SETBP1: variants seen among roughly 807,000 people sequenced by gnomAD.
The protein encoded by SETBP1 is SET binding protein 1.
A neutral mutation model predicts 101.0 loss-of-function variants in SETBP1; 9 were observed. The observed-to-expected ratio is 0.09, with a 90% CI of 0.05 to 0.16. The LOEUF is 0.16. Among genes scored for constraint, SETBP1 ranks in the 10% least tolerant of loss-of-function variants. The pLI, the probability that SETBP1 is intolerant of heterozygous loss-of-function variation, is 1.00. For missense variants in SETBP1, 1,858 were observed against 2,033.8 expected (o/e 0.91, Z 1.66); for synonymous variants, 818 against 788.5 (o/e 1.04, Z -0.63).
At chr18:44,962,592 T>C (rs1449684835) in intron 4 of SETBP1, among the ~76,000 whole-genome samples, 3 of 152,182 alleles carry the variant, frequency 2.0e-5, no homozygotes, top group African/African-American at 4.8e-5. Context: ...ATGGGAGTTA[T>C]GCACTTAATG....
intron 2 of SETBP1, among the ~76,000 whole-genome samples, chr18:44,826,188 C>T (rs544406957): frequency 2.6e-5 from 4 of 152,214 alleles, no homozygotes; most frequent in African/African-American, 9.6e-5. Context: ...ATACTTGGTC[C>T]TTTGGAGGTT....
chr18:45,058,785 C>A (rs1248579271), intron 5 of SETBP1, among the ~76,000 whole-genome samples: 4 of 152,190 alleles, frequency 2.6e-5, no homozygotes, highest in Admixed American at 6.5e-5. Flanking sequence ...AGTCCTAATG[C>A]CTGATGCCAT....
At chr18:44,917,610 G>A (rs2070463937) in intron 3 of SETBP1, among the ~76,000 whole-genome samples, 1 of 152,090 alleles carries the variant, frequency 6.6e-6, no homozygotes, top group Non-Finnish European at 1.5e-5. Context: ...ATGCTCTGAT[G>A]CCTCCCCATC....
Position 44,953,103 on chromosome 18 carries a change from C to T in SETBP1, c.3763C>T (p.Pro1255Ser), listed in dbSNP as rs1386383075. The change falls in exon 4 of 6, where the codon CCT (proline) becomes TCT (serine). Residue 1255 changes from proline (P) to serine (S), a missense_variant. Physicochemically the swap from Pro to Ser is moderately conservative, Grantham distance 74. Coordinates refer to ENST00000649279, the MANE Select transcript of SETBP1 (RefSeq NM_015559.3). ...GGAAAAAGGAGACTTGAGCAGTGAG[C>T]CTGTGGACTCATGCACGAAAAGATA... ...AKEKGDLSSEPVDSCTKRYSG... is the reference protein window; with the variant it reads ...AKEKGDLSSESVDSCTKRYSG... 1.9e-6 allele frequency: 3 copies of T among 1,614,014 alleles called. No homozygotes were observed. In the Admixed American group the frequency reaches 5.0e-5, roughly 27 times the overall value.
In SETBP1 at chr18:44,952,516, C is replaced by A; in HGVS notation, c.3176C>A (p.Pro1059His). The change falls in exon 4 of 6, where the codon CCT (proline) becomes CAT (histidine). Residue 1059 changes from proline to histidine, a missense_variant. By Grantham distance (77) the Pro-to-His change is moderately conservative. Coordinates refer to ENST00000649279, the MANE Select transcript of SETBP1 (RefSeq NM_015559.3). ...TATGGAATGCCTTACACATCAATGCCTATGATGAACCTTGGTTATTACGGT... is the reference window on the plus strand; with the variant it reads ...TATGGAATGCCTTACACATCAATGCATATGATGAACCTTGGTTATTACGGT... ...APYGMPYTSM[P>H]MMNLGYYGQY... The A allele has an allele frequency of 6.2e-7, 1 of 1,614,132 alleles. No individual in the cohort carries two copies. The highest frequency in any genetic ancestry group is 8.5e-7 in the Non-Finnish European group (1 of 1,180,018).
chr18:45,038,720 G>T, intron 5 of SETBP1, 65 bp downstream of exon 5: 1 of 1,558,552 alleles, frequency 6.4e-7, no homozygotes, highest in South Asian at 1.1e-5. Context: ...AGCCCACTGA[G>T]AATGGCCTGT....
At chr18:44,804,013 T>C (rs764682791) in intron 2 of SETBP1, among the ~76,000 whole-genome samples, 2 of 152,196 alleles carry the variant, frequency 1.3e-5, no homozygotes, top group Non-Finnish European at 2.9e-5. Flanking sequence ...TAATTAGTTA[T>C]CAGGACAAGG....
chr18:44,982,882 C>T (rs1047559410), intron 4 of SETBP1, among the ~76,000 whole-genome samples: 1 of 152,196 alleles, frequency 6.6e-6, no homozygotes, highest in Non-Finnish European at 1.5e-5. Context: ...GGCCTGAGGG[C>T]AGCCGTGTTT....
chr18:44,722,427 G>A (rs946730904), intron 2 of SETBP1, among the ~76,000 whole-genome samples: 12 of 152,156 alleles, frequency 7.9e-5, no homozygotes, highest in Non-Finnish European at 1.3e-4. Context: ...GAGGCAGAAC[G>A]TATTTAGGGC....
intron 5 of SETBP1, 78 bp from the exon 6 acceptor site, chr18:45,063,001 G>C: frequency 6.3e-7 from 1 of 1,595,218 alleles, no homozygotes; most frequent in African/African-American, 1.3e-5. Flanking sequence ...CAAGTAGAAT[G>C]CTAGCTGTCA....
intron 2 of SETBP1, among the ~76,000 whole-genome samples, chr18:44,748,798 T>C (rs539711088): frequency 6.6e-6 from 1 of 152,304 alleles, no homozygotes; most frequent in East Asian, 1.9e-4. Flanking sequence ...ATTGTGTCTG[T>C]TATTTATTGG....
intron 4 of SETBP1, among the ~76,000 whole-genome samples, chr18:44,995,499 C>T (rs1207368616): frequency 6.7e-6 from 1 of 149,412 alleles, no homozygotes; most frequent in Admixed American, 6.7e-5. Flanking sequence ...ATATGAAGAC[C>T]ACATTTTTAA....
intron 2 of SETBP1, among the ~76,000 whole-genome samples, chr18:44,847,457 A>G (rs375526990): frequency 6.6e-6 from 1 of 152,198 alleles, no homozygotes. Flanking sequence ...TCAGAAGAAC[A>G]TGGGGGTCAG....
intron 5 of SETBP1, among the ~76,000 whole-genome samples, chr18:45,043,711 A>T (rs2073556592): frequency 6.6e-6 from 1 of 152,236 alleles, no homozygotes; most frequent in Non-Finnish European, 1.5e-5. Flanking sequence ...ATGTTAGGGA[A>T]ATCATTTTGT....
At chr18:44,717,924 GTGTGTGTGCT>G (rs1568106861) in intron 2 of SETBP1, among the ~76,000 whole-genome samples, 5 of 152,160 alleles carry the variant, frequency 3.3e-5, no homozygotes, top group East Asian at 1.9e-4. Context: ...CTGTGTGTGT[GTGTGTGTGCT>G]TGTGTGTGCA....
chr18:45,042,666 A>G (rs148303962), intron 5 of SETBP1, among the ~76,000 whole-genome samples: 1 of 152,332 alleles, frequency 6.6e-6, no homozygotes, highest in African/African-American at 2.4e-5. Context: ...GCATATATGC[A>G]TGTGTTATAT....
chr18:44,856,050 A>G (rs1253359155), intron 2 of SETBP1, among the ~76,000 whole-genome samples: 1 of 141,516 alleles, frequency 7.1e-6, no homozygotes, highest in African/African-American at 2.7e-5. Context: ...TGCTTAATCC[A>G]TCTTGTTTTT....
chr18:45,038,141 C>G (rs1021241886), intron 4 of SETBP1, among the ~76,000 whole-genome samples: 1 of 152,168 alleles, frequency 6.6e-6, no homozygotes, highest in Non-Finnish European at 1.5e-5. Flanking sequence ...ACTCTGAACT[C>G]CCCTTCATGC....
chr18:44,823,388 T>G (rs959723663), intron 2 of SETBP1, among the ~76,000 whole-genome samples: 1 of 152,220 alleles, frequency 6.6e-6, no homozygotes, highest in Non-Finnish European at 1.5e-5. Context: ...AAACCAATGA[T>G]AGCTTCTCCC....
Sources: allele counts gnomAD v4.1 joint callset (sites outside exome capture counted in the v4.1 genomes callset), GRCh38; gene constraint gnomAD v4.1.1; transcripts MANE v1.5; gene names NCBI Gene and HGNC (gene_info 2026-07-23, HGNC 2026-07-21).